The following NSMCE2 variants were observed in gnomAD, a reference collection of about 807,000 sequenced individuals.
NSMCE2 encodes NSE2 SUMO ligase component of SMC5/6 complex.
NSMCE2 carries 24 observed loss-of-function variants against 23.8 expected under a neutral mutation model. The ratio of observed to expected loss-of-function variants is 1.01; its 90% CI spans 0.73 to 1.42. NSMCE2 has a LOEUF of 1.42. Among genes scored for constraint, NSMCE2 ranks in the 40% most tolerant of loss-of-function variants. The pLI, the probability that NSMCE2 is intolerant of heterozygous loss-of-function variation, is 0.00. For synonymous variants in NSMCE2, 92 were observed against 94.1 expected (o/e 0.98, Z 0.13); for missense variants, 284 against 296.5 (o/e 0.96, Z 0.31).
intron 5 of NSMCE2, among the ~76,000 whole-genome samples, chr8:125,251,724 C>G (rs1415912304): frequency 2.0e-5 from 3 of 152,170 alleles, no homozygotes; most frequent in Non-Finnish European, 4.4e-5. Flanking sequence ...TCTTTACCAC[C>G]TTCTGCAAGC....
At chr8:125,290,599 C>G (rs1828070335) in intron 5 of NSMCE2, among the ~76,000 whole-genome samples, 1 of 152,158 alleles carries the variant, frequency 6.6e-6, no homozygotes, top group Non-Finnish European at 1.5e-5. Flanking sequence ...ATTAGAATCT[C>G]TCAGTTACAA....
intron 5 of NSMCE2, among the ~76,000 whole-genome samples, chr8:125,219,115 A>G (rs1824731363): frequency 6.6e-6 from 1 of 152,210 alleles, no homozygotes; most frequent in South Asian, 2.1e-4. Context: ...TTAATGGGAT[A>G]AACTTTTAAA....
intron 5 of NSMCE2, among the ~76,000 whole-genome samples, chr8:125,268,099 A>G (rs977024231): frequency 6.6e-6 from 1 of 151,388 alleles, no homozygotes; most frequent in Non-Finnish European, 1.5e-5. Flanking sequence ...ACTGGGCATG[A>G]TGGTGCCACC....
intron 5 of NSMCE2, among the ~76,000 whole-genome samples, chr8:125,340,235 A>G (rs1830201707): frequency 6.6e-6 from 1 of 152,052 alleles, no homozygotes; most frequent in African/African-American, 2.4e-5. Flanking sequence ...AGCCTAATAC[A>G]GCATGACGTT....
At chr8:125,301,652 ATTT>A (rs67825410) in intron 5 of NSMCE2, among the ~76,000 whole-genome samples, 64 of 110,632 alleles carry the variant, frequency 5.8e-4, no homozygotes, top group African/African-American at 1.5e-3. Flanking sequence ...CATACAAGCC[ATTT>A]TTTTTTTTTT....
intron 5 of NSMCE2, among the ~76,000 whole-genome samples, chr8:125,294,461 CAT>C (rs1429809990): frequency 3.9e-5 from 6 of 152,162 alleles, no homozygotes; most frequent in Non-Finnish European, 8.8e-5. Context: ...CTCACCAGCA[CAT>C]GTTATTGTCT....
intron 3 of NSMCE2, among the ~76,000 whole-genome samples, chr8:125,111,393 G>C (rs893426066): frequency 2.0e-5 from 3 of 152,040 alleles, no homozygotes; most frequent in African/African-American, 7.2e-5. Context: ...TAGAAATTTG[G>C]TAAGTATGGG....
chr8:125,320,627 G>A (rs746302482), intron 5 of NSMCE2, among the ~76,000 whole-genome samples: 1 of 151,986 alleles, frequency 6.6e-6, no homozygotes, highest in Non-Finnish European at 1.5e-5. Context: ...TTTCAGACTA[G>A]AATTCCATAC....
chr8:125,362,555 G>A (rs908555807), intron 7 of NSMCE2, among the ~76,000 whole-genome samples: 2 of 152,186 alleles, frequency 1.3e-5, no homozygotes, highest in Admixed American at 6.5e-5. Context: ...ACACACATCA[G>A]CCTGCTTATT....
intron 5 of NSMCE2, among the ~76,000 whole-genome samples, chr8:125,274,021 A>G (rs771011117): frequency 6.6e-6 from 1 of 152,150 alleles, no homozygotes; most frequent in Admixed American, 6.6e-5. Context: ...TCTTTTTGCA[A>G]GGTGGAATGT....
chr8:125,234,944 G>GAA (rs1409727367), intron 5 of NSMCE2, among the ~76,000 whole-genome samples: 14 of 151,684 alleles, frequency 9.2e-5, no homozygotes, highest in Non-Finnish European at 1.9e-4. Context: ...TTCAAGTCCT[G>GAA]GCTTTTACCA....
intron 3 of NSMCE2, among the ~76,000 whole-genome samples, chr8:125,113,303 C>T (rs1818854981): frequency 1.3e-5 from 2 of 152,096 alleles, no homozygotes; most frequent in South Asian, 4.1e-4. Flanking sequence ...CTCTGCACAA[C>T]ATAGTGAAAC....
chr8:125,315,016 T>C (rs1829123573), intron 5 of NSMCE2, among the ~76,000 whole-genome samples: 1 of 152,136 alleles, frequency 6.6e-6, no homozygotes, highest in Non-Finnish European at 1.5e-5. Flanking sequence ...GAAGGAGATA[T>C]AATTAGGCAC....
At chr8:125,125,954 G>T (rs538887946) in intron 3 of NSMCE2, among the ~76,000 whole-genome samples, 1 of 152,070 alleles carries the variant, frequency 6.6e-6, no homozygotes, top group Admixed American at 6.5e-5. Context: ...TTTTTGTAAC[G>T]AGCAGTAAAC....
At position 125,133,798 on chromosome 8, in the gene NSMCE2, G is replaced by A. The variant is rs112772233; in HGVS notation, c.158-17373G>A. ...AAACCAAAACAAAAAAAAAGAAAAA[G>A]AAAAAAGAAATTCTGTGAAATCAGA... On this transcript the variant is annotated intron_variant, in intron 3 of 7. Coordinates refer to ENST00000287437, the MANE Select transcript of NSMCE2 (RefSeq NM_173685.4). Among the ~76,000 whole-genome samples the A allele has an allele frequency of 1.2e-3, 184 of 148,470 alleles. 3 individuals are homozygous for A. The highest frequency in any genetic ancestry group is 4.5e-3 in the African/African-American group (171 of 38,020).
At chr8:125,244,786 AAC>A in intron 5 of NSMCE2, among the ~76,000 whole-genome samples, 1 of 152,346 alleles carries the variant, frequency 6.6e-6, no homozygotes. Flanking sequence ...GATTGGAAGA[AAC>A]ACAACTGCTG....
chr8:125,308,319 G>T (rs983755412), intron 5 of NSMCE2, among the ~76,000 whole-genome samples: 2 of 151,994 alleles, frequency 1.3e-5, no homozygotes, highest in African/African-American at 4.8e-5. Context: ...GATGTTTTGG[G>T]GGGAAAAAAT....
intron 7 of NSMCE2, 106 bp from the exon 8 acceptor site, chr8:125,366,662 A>G: frequency 1.4e-6 from 1 of 704,156 alleles, no homozygotes; most frequent in Non-Finnish European, 2.5e-6. Flanking sequence ...TGATTTTGAC[A>G]CTTTTCCTTT....
chr8:125,115,322 A>G (rs1818952598), intron 3 of NSMCE2, among the ~76,000 whole-genome samples: 1 of 152,228 alleles, frequency 6.6e-6, no homozygotes, highest in South Asian at 2.1e-4. Flanking sequence ...TGCATTTGGT[A>G]GACAGGTTTG....
Sources: allele counts gnomAD v4.1 joint callset (sites outside exome capture counted in the v4.1 genomes callset), GRCh38; gene constraint gnomAD v4.1.1; transcripts MANE v1.5; gene names NCBI Gene and HGNC (gene_info 2026-07-23, HGNC 2026-07-21).